Variants in FGF14 observed in about 807,000 individuals in gnomAD.
The protein encoded by FGF14 is fibroblast growth factor homologous factor 4.
Under a neutral mutation model 25.5 loss-of-function variants are expected in FGF14, and 5 were observed. The ratio of observed to expected loss-of-function variants is 0.20; its 90% CI spans 0.10 to 0.41. The LOEUF (loss-of-function observed/expected upper bound fraction) is 0.41. Ranked by LOEUF, FGF14 falls within the 10% of genes least tolerant of loss-of-function variation. The pLI is 1.00. For missense variants in FGF14, 222 were observed against 320.1 expected (o/e 0.69, Z 2.34); for synonymous variants, 138 against 118.3 (o/e 1.17, Z -1.08).
chr13:102,116,319 T>A (rs1841728891), intron 1 of FGF14, among the ~76,000 whole-genome samples: 1 of 152,100 alleles, frequency 6.6e-6, no homozygotes, highest in South Asian at 2.1e-4. Context: ...ATATGAAACA[T>A]GGAATTGCCA....
chr13:101,751,235 T>C (rs2037253497), intron 3 of FGF14, among the ~76,000 whole-genome samples: 1 of 152,110 alleles, frequency 6.6e-6, no homozygotes, highest in African/African-American at 2.4e-5. Context: ...GGCTCGTTCA[T>C]TATAAAATTT....
intron 1 of FGF14, among the ~76,000 whole-genome samples, chr13:101,939,513 GT>G (rs1240272326): frequency 6.6e-6 from 1 of 152,164 alleles, no homozygotes; most frequent in African/African-American, 2.4e-5. Context: ...CTTAAGTAAG[GT>G]TGAGTGAAGA....
At chr13:101,814,868 G>A (rs1344839066) in intron 3 of FGF14, among the ~76,000 whole-genome samples, 1 of 152,186 alleles carries the variant, frequency 6.6e-6, no homozygotes, top group Non-Finnish European at 1.5e-5. Flanking sequence ...TTTCATATAA[G>A]TCTTTCTATT....
chr13:101,873,419 T>C (rs2045221557), intron 2 of FGF14, among the ~76,000 whole-genome samples: 1 of 152,108 alleles, frequency 6.6e-6, no homozygotes, highest in South Asian at 2.1e-4. Context: ...ACTTTTGTCA[T>C]AAAATGGATG....
intron 1 of FGF14, among the ~76,000 whole-genome samples, chr13:102,020,261 G>C (rs981464241): frequency 6.6e-6 from 1 of 151,218 alleles, no homozygotes; most frequent in Admixed American, 6.6e-5. Flanking sequence ...AAGAGAGTGA[G>C]AGAATAGGCG....
At position 102,026,789 on chromosome 13, in the gene FGF14, T is replaced by G. The variant is rs756406301; in HGVS notation, c.209-151493A>C. ...TTATTTTGCATGTTTTTTCTTACTC[T>G]GAGTCATTATTTACATAAGAAATTG... On this transcript the variant is annotated intron_variant, in intron 1 of 4. Transcript: ENST00000376131. Among the ~76,000 whole-genome samples the G allele has an allele frequency of 2.0e-5, 3 of 152,140 alleles. No individual in the cohort carries two copies. The South Asian group carries it at 6.2e-4, about 32-fold the overall frequency.
intron 1 of FGF14, among the ~76,000 whole-genome samples, chr13:102,087,411 T>TTC (rs1555355135): frequency 2.3e-5 from 3 of 130,382 alleles, no homozygotes; most frequent in African/African-American, 8.9e-5. Flanking sequence ...TAATTTCTTT[T>TTC]TTTTTTTTTT....
At chr13:102,138,950 G>A (rs563922670) in intron 1 of FGF14, among the ~76,000 whole-genome samples, 1 of 152,276 alleles carries the variant, frequency 6.6e-6, no homozygotes, top group East Asian at 1.9e-4. Context: ...TGAGTTTTCT[G>A]AGTACTGTGT....
intron 1 of FGF14, among the ~76,000 whole-genome samples, chr13:102,336,472 GT>G (rs1171102625): frequency 6.6e-6 from 1 of 152,020 alleles, no homozygotes; most frequent in East Asian, 1.9e-4. Flanking sequence ...GATTCATAAG[GT>G]TTAGGGAAAA....
At chr13:101,816,476 A>C (rs2041856373) in intron 3 of FGF14, among the ~76,000 whole-genome samples, 1 of 152,104 alleles carries the variant, frequency 6.6e-6, no homozygotes, top group African/African-American at 2.4e-5. Context: ...TATTCCCTGA[A>C]ATATAATTAC....
In FGF14 at chr13:101,715,706, G is replaced by T. The variant is rs1436266; in HGVS notation, c.*7125C>A. 1 allele frequency: 1,158,032 copies of T among 1,160,774 alleles called. 577,690 individuals carry two copies. The highest frequency in any genetic ancestry group is 1 in the Non-Finnish European group (766,236 of 766,270). 71.9% of individuals were successfully genotyped at this position (1,160,774 alleles called of 1,614,324 possible). A position where few individuals can be genotyped will look rare whatever the true frequency, so the allele number is the denominator to read the frequency against. On this transcript the variant is annotated 3_prime_UTR_variant, in exon 5 of 5. Coordinates refer to ENST00000376143, the MANE Select transcript of FGF14 (RefSeq NM_004115.4). ...TTATTTTTTCTGGGCCATTAGAACAGATAAATGCGAAGGAAACCATGTATA... is the reference window on the plus strand; with the variant it reads ...TTATTTTTTCTGGGCCATTAGAACATATAAATGCGAAGGAAACCATGTATA...
At chr13:102,154,588 C>A (rs1566753188) in intron 1 of FGF14, among the ~76,000 whole-genome samples, 1 of 152,122 alleles carries the variant, frequency 6.6e-6, no homozygotes, top group Non-Finnish European at 1.5e-5. Flanking sequence ...ATCATCGAGG[C>A]TAGGAAGAAA....
intron 1 of FGF14, among the ~76,000 whole-genome samples, chr13:101,934,369 G>C (rs1373161030): frequency 6.6e-6 from 1 of 152,108 alleles, no homozygotes; most frequent in Admixed American, 6.6e-5. Flanking sequence ...ACACAAAAGA[G>C]CACAATCGTG....
chr13:102,248,389 G>A (rs564318738), intron 1 of FGF14, among the ~76,000 whole-genome samples: 13 of 152,182 alleles, frequency 8.5e-5, no homozygotes, highest in African/African-American at 3.1e-4. Context: ...AAAATAAAAT[G>A]AGGAAACAGA....
At chr13:101,774,846 A>G (rs1347945697) in intron 3 of FGF14, among the ~76,000 whole-genome samples, 1 of 151,998 alleles carries the variant, frequency 6.6e-6, no homozygotes, top group Admixed American at 6.6e-5. Context: ...TGAGGTCAGG[A>G]GTTCAAAACC....
intron 1 of FGF14, among the ~76,000 whole-genome samples, chr13:101,946,036 C>CT (rs2035782841): frequency 6.6e-6 from 1 of 152,120 alleles, no homozygotes; most frequent in Non-Finnish European, 1.5e-5. Flanking sequence ...TTTTCAGTCT[C>CT]TAAGAAAGAA....
Position 101,719,845 on chromosome 13 carries a change from T to TAACA in FGF14, c.*2982_*2985dup, listed in dbSNP as rs1408582025. ...GTGACAGATTGCACTTCTTACTTAA[T>TAACA]AACAGCAAACTTAATTTCTGAGGGG... On this transcript the variant is annotated 3_prime_UTR_variant, in exon 5 of 5. Coordinates refer to ENST00000376143, the MANE Select transcript of FGF14 (RefSeq NM_004115.4). The TAACA allele has an allele frequency of 5.3e-5, 8 of 150,892 alleles. No individual in the cohort carries two copies. The highest frequency in any genetic ancestry group is 1.9e-4 in the African/African-American group (8 of 41,380). The allele number at this position is 150,892 out of a possible 1,614,324, so 9.3% of individuals were successfully genotyped here. A position where few individuals can be genotyped will look rare whatever the true frequency, so the allele number is the denominator to read the frequency against.
At chr13:101,731,288 T>C (rs996546263) in intron 3 of FGF14, among the ~76,000 whole-genome samples, 11 of 152,204 alleles carry the variant, frequency 7.2e-5, no homozygotes, top group African/African-American at 2.7e-4. Context: ...ATAAACTCTT[T>C]GAATCTGCCA....
intron 1 of FGF14, among the ~76,000 whole-genome samples, chr13:102,344,046 C>T (rs2057031411): frequency 6.6e-6 from 1 of 152,176 alleles, no homozygotes; most frequent in African/African-American, 2.4e-5. Flanking sequence ...TCTTAGTTAT[C>T]AGTAAAGTTA....
Sources: gnomAD v4.1 joint callset for allele counts (sites outside exome capture counted in the v4.1 genomes callset) on GRCh38, gnomAD v4.1.1 for gene constraint, MANE v1.5 for transcripts, NCBI Gene and HGNC (gene_info 2026-07-23, HGNC 2026-07-21) for gene names.